DIP2B: variants seen among roughly 807,000 people sequenced by gnomAD.
The protein encoded by DIP2B is DIP2 acetate--CoA ligase B (putative).
A neutral mutation model predicts 198.0 loss-of-function variants in DIP2B; 76 were observed. The observed-to-expected ratio is 0.38, with a 90% CI of 0.32 to 0.46. DIP2B has a LOEUF of 0.46. Among genes scored for constraint, DIP2B ranks in the 20% least tolerant of loss-of-function variants. DIP2B has a pLI of 0.99. For synonymous variants in DIP2B, 701 were observed against 739.1 expected (o/e 0.95, Z 0.84); for missense variants, 1,559 against 1,978.4 (o/e 0.79, Z 4.02).
intron 1 of DIP2B, among the ~76,000 whole-genome samples, chr12:50,586,853 G>A (rs561294589): frequency 6.6e-6 from 1 of 152,350 alleles, no homozygotes; most frequent in African/African-American, 2.4e-5. Flanking sequence ...GATTACAGGC[G>A]TGAGCCACTG....
intron 12 of DIP2B, 102 bp downstream of exon 12, chr12:50,686,784 G>C: frequency 9.6e-7 from 1 of 1,041,568 alleles, no homozygotes; most frequent in South Asian, 1.6e-5. Flanking sequence ...AATGTTAGAA[G>C]ATCCTCCTGC....
intron 3 of DIP2B, chr12:50,654,911 TG>T (rs1389090566): frequency 2.6e-6 from 1 of 388,840 alleles, no homozygotes; most frequent in African/African-American, 2.1e-5. Flanking sequence ...TAGGTATACC[TG>T]TACATTGCTA....
At chr12:50,664,559 A>G (rs147295277) in intron 4 of DIP2B, among the ~76,000 whole-genome samples, 2 of 152,200 alleles carry the variant, frequency 1.3e-5, no homozygotes, top group East Asian at 1.9e-4. Flanking sequence ...TCTTTGTGTA[A>G]TGCTATTACT....
intron 4 of DIP2B, among the ~76,000 whole-genome samples, chr12:50,663,243 A>G (rs531464965): frequency 1.2e-3 from 190 of 152,066 alleles, no homozygotes; most frequent in African/African-American, 4.1e-3. Flanking sequence ...TGGCTAACAC[A>G]GTGAACCCCG....
At chr12:50,648,296 T>C (rs993210442) in intron 3 of DIP2B, among the ~76,000 whole-genome samples, 3 of 152,242 alleles carry the variant, frequency 2.0e-5, no homozygotes, top group Admixed American at 6.5e-5. Context: ...TTTGGAGATA[T>C]GTTTACTGGC....
At chr12:50,590,611 A>G (rs1466936703) in intron 1 of DIP2B, among the ~76,000 whole-genome samples, 4 of 151,968 alleles carry the variant, frequency 2.6e-5, no homozygotes, top group Non-Finnish European at 5.9e-5. Context: ...CTTGTGATCT[A>G]CCCACCTCGG....
intron 1 of DIP2B, among the ~76,000 whole-genome samples, chr12:50,527,442 A>G (rs1250401439): frequency 6.6e-6 from 1 of 152,252 alleles, no homozygotes; most frequent in African/African-American, 2.4e-5. Flanking sequence ...TTTACTTATT[A>G]TATTGTGAAC....
At chr12:50,577,638 GAAAT>G (rs1958675017) in intron 1 of DIP2B, among the ~76,000 whole-genome samples, 1 of 151,184 alleles carries the variant, frequency 6.6e-6, no homozygotes, top group Non-Finnish European at 1.5e-5. Context: ...TTTTATATGA[GAAAT>G]AACTATATTT....
intron 4 of DIP2B, among the ~76,000 whole-genome samples, chr12:50,660,547 T>C (rs1304561941): frequency 6.6e-6 from 1 of 151,934 alleles, no homozygotes; most frequent in Non-Finnish European, 1.5e-5. Context: ...ACTTTCCTTC[T>C]GAATTTCCAG....
chr12:50,527,240 A>T (rs1958175032), intron 1 of DIP2B, among the ~76,000 whole-genome samples: 1 of 152,188 alleles, frequency 6.6e-6, no homozygotes, highest in Non-Finnish European at 1.5e-5. Context: ...ATTCTAGTTT[A>T]TGCAAACAGT....
At chr12:50,547,394 C>T (rs1232994697) in intron 1 of DIP2B, among the ~76,000 whole-genome samples, 1 of 152,016 alleles carries the variant, frequency 6.6e-6, no homozygotes, top group Non-Finnish European at 1.5e-5. Flanking sequence ...TAACCTGGCA[C>T]CCAACATTAT....
At chr12:50,558,372 G>C (rs920502139) in intron 1 of DIP2B, among the ~76,000 whole-genome samples, 1 of 152,202 alleles carries the variant, frequency 6.6e-6, no homozygotes, top group African/African-American at 2.4e-5. Flanking sequence ...ATGTCTGGGT[G>C]ATTTAAGTTT....
intron 34 of DIP2B, 92 bp from the exon 35 acceptor site, chr12:50,736,944 C>G (rs368860217): frequency 7.8e-6 from 10 of 1,276,224 alleles, no homozygotes; most frequent in African/African-American, 7.4e-5. Context: ...GTGTGCCTCT[C>G]TCACCTCTCC....
At chr12:50,658,779 G>A (rs939830865) in intron 3 of DIP2B, among the ~76,000 whole-genome samples, 3 of 152,100 alleles carry the variant, frequency 2.0e-5, no homozygotes, top group Non-Finnish European at 4.4e-5. Flanking sequence ...TATTAGTGGA[G>A]GTTTTTTGGT....
At position 50,735,070 on chromosome 12, in the gene DIP2B, C is replaced by T. The variant is rs1565886268; in HGVS notation, c.4044-3C>T. 1 of 1,614,120 alleles carries T rather than the reference C, an allele frequency of 6.2e-7. No individual in the cohort carries two copies. The highest frequency in any genetic ancestry group is 8.5e-7 in the Non-Finnish European group (1 of 1,180,010). ...ATATATAGTAAATACCGTTCTTCTG[C>T]AGGGTTCGTCTCGTGGAACGTGGCG... On this transcript the variant is annotated splice_polypyrimidine_tract_variant and splice_region_variant and intron_variant, in intron 33 of 37. Coordinates refer to ENST00000301180, the MANE Select transcript of DIP2B (RefSeq NM_173602.3).
At position 50,745,572 on chromosome 12, in the gene DIP2B, CTA is replaced by C. The variant is rs1940330734; in HGVS notation, c.*735_*736del. 6.6e-6 allele frequency: 1 copy of C among 152,464 alleles called. No individual in the cohort carries two copies. The highest frequency in any genetic ancestry group is 1.5e-5 in the Non-Finnish European group (1 of 68,022). 9.4% of individuals were successfully genotyped at this position (152,464 alleles called of 1,614,324 possible). On this transcript the variant is annotated 3_prime_UTR_variant, in exon 38 of 38. Coordinates refer to ENST00000301180, the MANE Select transcript of DIP2B (RefSeq NM_173602.3). ...TTGGCAGGTTTTGCTGCACATTGTT[CTA>C]TGTCTTTGTTGGCTGGTGTATTTTA...
At chr12:50,690,118 G>A (rs561404579) in intron 12 of DIP2B, among the ~76,000 whole-genome samples, 13 of 146,646 alleles carry the variant, frequency 8.9e-5, no homozygotes, top group African/African-American at 2.8e-4. Context: ...ACGGAGTCTC[G>A]CTCTGTTGCC....
intron 30 of DIP2B, 92 bp downstream of exon 30, chr12:50,728,770 T>C (rs1939984093): frequency 6.7e-7 from 1 of 1,484,690 alleles, no homozygotes; most frequent in Non-Finnish European, 9.0e-7. Flanking sequence ...CTTAATTTGG[T>C]AAAGTTTCAG....
At chr12:50,537,173 C>T (rs978597221) in intron 1 of DIP2B, among the ~76,000 whole-genome samples, 1 of 100,322 alleles carries the variant, frequency 1.0e-5, no homozygotes, top group Non-Finnish European at 1.8e-5. Context: ...GTTTCCCAGG[C>T]TGGTCTTGAA....
Sources: gnomAD v4.1 joint callset for allele counts (sites outside exome capture counted in the v4.1 genomes callset) on GRCh38, gnomAD v4.1.1 for gene constraint, MANE v1.5 for transcripts, NCBI Gene and HGNC (gene_info 2026-07-23, HGNC 2026-07-21) for gene names.